Variants in BANP observed in about 807,000 individuals in gnomAD.
The protein encoded by BANP is BTG3 associated nuclear protein.
BANP carries 11 observed loss-of-function variants against 68.1 expected under a neutral mutation model. The observed-to-expected ratio is 0.16, with a 90% CI of 0.10 to 0.27. BANP has a LOEUF of 0.27. Among genes scored for constraint, BANP ranks in the 10% least tolerant of loss-of-function variants. The pLI, the probability that BANP is intolerant of heterozygous loss-of-function variation, is 1.00. For missense variants in BANP, 504 were observed against 722.7 expected (o/e 0.70, Z 3.47); for synonymous variants, 329 against 303.2 (o/e 1.09, Z -0.88).
chr16:87,972,670 T>G (rs2061344029), intron 1 of BANP, among the ~76,000 whole-genome samples: 1 of 152,184 alleles, frequency 6.6e-6, no homozygotes, highest in South Asian at 2.1e-4. Flanking sequence ...CTGTGTTGTT[T>G]ATAGGAAGTT....
In BANP at chr16:87,996,700, G is replaced by A. The variant is rs546923778; in HGVS notation, c.363-7595G>A. ...GGGCCCTCGTCCTGGGCGCCGGCTGGGCTCTGGTCCTCAGCGTTGCCCTCC... is the reference window on the plus strand; with the variant it reads ...GGGCCCTCGTCCTGGGCGCCGGCTGAGCTCTGGTCCTCAGCGTTGCCCTCC... On this transcript the variant is annotated intron_variant, in intron 4 of 13. Coordinates refer to ENST00000682872, the MANE Select transcript of BANP (RefSeq NM_001386991.1). 8.3e-4 allele frequency among the ~76,000 whole-genome samples: 127 copies of A among 152,190 alleles called. 1 individual carries two copies. Among genetic ancestry groups the A allele is most frequent in the Non-Finnish European group, 1.6e-3 (108 of 68,038 alleles).
intron 1 of BANP, among the ~76,000 whole-genome samples, chr16:87,960,964 A>G (rs1323062851): frequency 1.3e-5 from 2 of 152,226 alleles, no homozygotes. Flanking sequence ...AGCTCCCAAT[A>G]AATCAGATGC....
At chr16:88,070,317 G>T (rs922325654) in intron 12 of BANP, among the ~76,000 whole-genome samples, 1 of 152,090 alleles carries the variant, frequency 6.6e-6, no homozygotes, top group African/African-American at 2.4e-5. Context: ...TAATCCCTGG[G>T]ACCATGTCGG....
At chr16:87,951,378 G>A (rs2056806043), upstream of BANP, 1 of 150,470 alleles carries the variant, frequency 6.6e-6, no homozygotes, top group Non-Finnish European at 1.5e-5. Context: ...CGCCCAGTGA[G>A]CCTGCGCGGA....
rs548569664 is a variant in BANP at position 87,970,848 on chromosome 16, T to C, written c.-68-4200T>C. On this transcript the variant is annotated intron_variant, in intron 1 of 13. Transcript: ENST00000682872. ...AGCCTGGCCACAGAGGGAAACCCCG[T>C]CTCTACTAAAATACAAAAAGTAGCC... is the stretch of plus-strand genomic sequence containing the variant. Among the ~76,000 whole-genome samples the C allele has an allele frequency of 4.6e-5, 7 of 152,160 alleles. No homozygotes were observed. The East Asian group carries it at 1.4e-3, about 29-fold the overall frequency.
chr16:87,992,774 A>G (rs1335081870), intron 4 of BANP, among the ~76,000 whole-genome samples: 4 of 147,410 alleles, frequency 2.7e-5, no homozygotes, highest in Admixed American at 2.7e-4. Flanking sequence ...AGCCTGGGAG[A>G]CAGAGTGAGA....
intron 4 of BANP, among the ~76,000 whole-genome samples, chr16:87,989,383 G>A (rs1230562945): frequency 1.3e-5 from 2 of 152,240 alleles, no homozygotes; most frequent in African/African-American, 4.8e-5. Flanking sequence ...AGTTCGGTTG[G>A]TGCATTCGTT....
At chr16:87,960,828 A>C (rs1020149478) in intron 1 of BANP, among the ~76,000 whole-genome samples, 3 of 152,204 alleles carry the variant, frequency 2.0e-5, no homozygotes, top group Non-Finnish European at 4.4e-5. Context: ...TCTCTTACTA[A>C]ATGAGTGAAG....
chr16:88,042,756 G>GA (rs68159885), intron 11 of BANP, among the ~76,000 whole-genome samples: 11 of 150,122 alleles, frequency 7.3e-5, no homozygotes, highest in South Asian at 6.3e-4. Flanking sequence ...TGTCTCTACA[G>GA]AAAAAAAAAA....
chr16:87,960,926 A>G (rs2059008316), intron 1 of BANP, among the ~76,000 whole-genome samples: 1 of 152,234 alleles, frequency 6.6e-6, no homozygotes, highest in Non-Finnish European at 1.5e-5. Context: ...AGTTTTGGAA[A>G]GTTTGTCTTT....
rs549159436 is a variant in BANP, at chr16:87,981,510, A to T, written c.162+383A>T. ...CATTGACTAAATTACATCTACACAGACCCAAAGAGTTTCTAAATTACATCT... is the reference window on the plus strand; with the variant it reads ...CATTGACTAAATTACATCTACACAGTCCCAAAGAGTTTCTAAATTACATCT... On this transcript the variant is annotated intron_variant, in intron 3 of 13. Coordinates refer to ENST00000682872, the MANE Select transcript of BANP (RefSeq NM_001386991.1). 6.6e-5 allele frequency among the ~76,000 whole-genome samples: 10 copies of T among 152,346 alleles called. No homozygotes were observed. In the South Asian group the frequency reaches 2.1e-3, roughly 32 times the overall value.
At chr16:88,023,429 G>A (rs896418711) in intron 7 of BANP, among the ~76,000 whole-genome samples, 7 of 151,270 alleles carry the variant, frequency 4.6e-5, no homozygotes, top group East Asian at 1.9e-4. Flanking sequence ...TGCTTCCCCC[G>A]GGAGGGAGCA....
In BANP at chr16:87,958,507, ACT is replaced by A. The variant is rs2058529524; in HGVS notation, c.-69+6995_-69+6996del. Among the ~76,000 whole-genome samples the A allele has an allele frequency of 3.3e-5, 5 of 152,202 alleles. No individual in the cohort carries two copies. In the South Asian group the frequency reaches 1.0e-3, roughly 32 times the overall value. The stretch of plus-strand genomic sequence containing the variant: ...CACAGCATTTGACTGAATTTGGGTA[ACT>A]CTGGATGTAGTGTATAAAGTACTTT... On this transcript the variant is annotated intron_variant, in intron 1 of 13. Coordinates refer to ENST00000682872, the MANE Select transcript of BANP (RefSeq NM_001386991.1).
chr16:87,962,252 AAAAAG>A lies in BANP; in HGVS notation c.-69+10741_-69+10745del, dbSNP rs1220519262. Among the ~76,000 whole-genome samples the A allele has an allele frequency of 8.7e-4, 129 of 148,038 alleles. 4 individuals are homozygous for A. Among genetic ancestry groups the A allele is most frequent in the African/African-American group, 3.2e-3 (123 of 38,422 alleles). On this transcript the variant is annotated intron_variant, in intron 1 of 13. Transcript: ENST00000682872. ...GAGACTTGGTCTCAAAAAAAAAAAA[AAAAAG>A]AAAGCACATTTTTTTCCTTTATGTA...
Position 87,951,535 on chromosome 16 carries a change from C to A in BANP, c.-69+20C>A, listed in dbSNP as rs1285344354. On this transcript the variant is annotated intron_variant, in intron 1 of 13. Coordinates refer to ENST00000682872, the MANE Select transcript of BANP (RefSeq NM_001386991.1). ...CACACGGTAATTGCAGCTCCCGCAG[C>A]CGGTCGCGCCTCCGCCTCCCCCTTC... is the stretch of plus-strand genomic sequence containing the variant. 6.5e-6 allele frequency: 1 copy of A among 152,868 alleles called. No individual in the cohort carries two copies. Among genetic ancestry groups the A allele is most frequent in the African/African-American group, 2.4e-5 (1 of 41,370 alleles). The allele number at this position is 152,868 out of a possible 1,614,324, so 9.5% of individuals were successfully genotyped here. A position where few individuals can be genotyped will look rare whatever the true frequency, so the allele number is the denominator to read the frequency against.
intron 11 of BANP, among the ~76,000 whole-genome samples, chr16:88,044,286 C>T (rs1198767731): frequency 6.6e-6 from 1 of 152,250 alleles, no homozygotes; most frequent in Admixed American, 6.5e-5. Flanking sequence ...CCTCCTCTCT[C>T]ACTCATGCAT....
intron 1 of BANP, among the ~76,000 whole-genome samples, chr16:87,961,034 G>C (rs1268617245): frequency 6.6e-6 from 1 of 152,200 alleles, no homozygotes; most frequent in Non-Finnish European, 1.5e-5. Context: ...ACATTTGCAA[G>C]AGCTGCCTAA....
In BANP at chr16:88,064,535, C is replaced by T. The variant is rs150103782; in HGVS notation, c.1312-732C>T. On this transcript the variant is annotated intron_variant, in intron 11 of 13. Transcript: ENST00000682872. The surrounding 1 kb of genome is among the most constrained non-coding windows in gnomAD (Gnocchi z 4.5). ...CCAGGATGCGGCTAGGCGTCCAGGC[C>T]AGCATCGGGTTGGCTGAGGGTTTGC... Among the ~76,000 whole-genome samples, 19 of 152,356 alleles carry T rather than the reference C, an allele frequency of 1.2e-4. No individual in the cohort carries two copies. Among genetic ancestry groups the T allele is most frequent in the African/African-American group, 4.3e-4 (18 of 41,588 alleles).
intron 4 of BANP, among the ~76,000 whole-genome samples, chr16:87,984,528 A>G (rs1455343837): frequency 1.3e-5 from 2 of 152,204 alleles, no homozygotes; most frequent in East Asian, 3.9e-4. Flanking sequence ...AACCCACCAG[A>G]TCTTAGAAAA....
Sources: gnomAD v4.1 joint callset for allele counts (sites outside exome capture counted in the v4.1 genomes callset) on GRCh38, gnomAD v4.1.1 for gene constraint, Gnocchi (gnomAD v3.1) non-coding constraint, MANE v1.5 for transcripts, NCBI Gene and HGNC (gene_info 2026-07-23, HGNC 2026-07-21) for gene names.